FGF18: variants seen among roughly 807,000 people sequenced by gnomAD.
FGF18 encodes fibroblast growth factor 18.
A neutral mutation model predicts 23.0 loss-of-function variants in FGF18; 5 were observed. The observed-to-expected ratio is 0.22, with a 90% CI of 0.11 to 0.46. The LOEUF is 0.46. Ranked by LOEUF, FGF18 falls within the 20% of genes least tolerant of loss-of-function variation. The probability of loss-of-function intolerance (pLI) is 0.99; values close to 1 mark genes in which losing one functional copy is unlikely to be tolerated. For synonymous variants in FGF18, 117 were observed against 118.9 expected, an observed-to-expected ratio of 0.98 and a Z score of 0.10; for missense variants, 180 against 291.6, an observed-to-expected ratio of 0.62 and a Z score of 2.79.
Position 171,436,201 on chromosome 5 carries a change from C to A in FGF18, c.178C>A (p.Arg60=). ...KQLRLYQLYS[R]TSGKHIQVLG... Reference sequence around the variant, plus strand: ...GCTGCGGCTGTACCAGCTCTACAGCCGGACCAGTGGGAAACACATCCAGGT... The same window carrying A: ...GCTGCGGCTGTACCAGCTCTACAGCAGGACCAGTGGGAAACACATCCAGGT... Residue 60 remains arginine, a synonymous_variant, in exon 3 of 5, where the codon CGG becomes AGG. Coordinates refer to ENST00000274625, the MANE Select transcript of FGF18 (RefSeq NM_003862.3). The surrounding 1 kb of genome is among the most constrained non-coding windows in gnomAD (Gnocchi z 4.4). 2 of 1,607,726 alleles carry A rather than the reference C, an allele frequency of 1.2e-6. No individual in the cohort carries two copies. Among genetic ancestry groups the A allele is most frequent in the Non-Finnish European group, 1.7e-6 (2 of 1,176,712 alleles).
At chr5:171,448,925 C>T (rs1422574207) in intron 3 of FGF18, among the ~76,000 whole-genome samples, 1 of 152,004 alleles carries the variant, frequency 6.6e-6, no homozygotes, top group Non-Finnish European at 1.5e-5. Flanking sequence ...AGGTGATAGG[C>T]AGCTTCCATC....
At chr5:171,421,486 G>A (rs1406775678) in intron 2 of FGF18, among the ~76,000 whole-genome samples, 1 of 152,188 alleles carries the variant, frequency 6.6e-6, no homozygotes, top group Non-Finnish European at 1.5e-5. Flanking sequence ...TGGCTTTCCG[G>A]GATTAGAGAA....
chr5:171,450,966 C>G (rs1039659773), intron 4 of FGF18, among the ~76,000 whole-genome samples: 1 of 152,102 alleles, frequency 6.6e-6, no homozygotes, highest in Admixed American at 6.5e-5. Flanking sequence ...CGCGGCCCGC[C>G]CTCGCCGTCT....
rs191724034 is a variant in FGF18 at position 171,421,532 on chromosome 5, C to T, written c.69+1089C>T. ...CCTTAGCCTTCTGGATTGTGGAGAT[C>T]CCCAGAGCTAGCCTTGAGCACAGGA... is the stretch of plus-strand genomic sequence containing the variant. On this transcript the variant is annotated intron_variant, in intron 2 of 4. Coordinates refer to ENST00000274625, the MANE Select transcript of FGF18 (RefSeq NM_003862.3). Among the ~76,000 whole-genome samples the T allele has an allele frequency of 1.7e-3, 262 of 152,288 alleles. 1 individual carries two copies. The highest frequency in any genetic ancestry group is 5.8e-3 in the African/African-American group (241 of 41,536).
intron 2 of FGF18, among the ~76,000 whole-genome samples, chr5:171,432,820 A>G (rs916605886): frequency 6.6e-6 from 1 of 152,174 alleles, no homozygotes; most frequent in Non-Finnish European, 1.5e-5. Context: ...GGGAGGGCTG[A>G]TGTTGGCCTC....
intron 2 of FGF18, among the ~76,000 whole-genome samples, chr5:171,430,335 G>T (rs1294511712): frequency 6.9e-6 from 1 of 145,804 alleles, no homozygotes; most frequent in African/African-American, 2.6e-5. Flanking sequence ...TCCAGCCTGG[G>T]CAACAGAGTA....
chr5:171,448,574 T>C (rs1437500055), intron 3 of FGF18, among the ~76,000 whole-genome samples: 1 of 152,092 alleles, frequency 6.6e-6, no homozygotes, highest in Non-Finnish European at 1.5e-5. Flanking sequence ...CTTAGCTACT[T>C]CTCTGTGGTT....
intron 4 of FGF18, among the ~76,000 whole-genome samples, chr5:171,450,777 C>T (rs1772491090): frequency 1.3e-5 from 2 of 152,032 alleles, no homozygotes; most frequent in South Asian, 2.1e-4. Flanking sequence ...CTAGCCTGGC[C>T]GGTCCCCCTG....
chr5:171,453,518 G>C (rs569104924), intron 4 of FGF18, among the ~76,000 whole-genome samples: 1 of 152,248 alleles, frequency 6.6e-6, no homozygotes, highest in South Asian at 2.1e-4. Context: ...TTTCCCCCTT[G>C]TGGACCTCTT....
intron 2 of FGF18, among the ~76,000 whole-genome samples, chr5:171,431,386 C>G (rs939980895): frequency 2.0e-5 from 3 of 152,028 alleles, no homozygotes; most frequent in African/African-American, 7.3e-5. Context: ...AGAGCTGCAC[C>G]GGGAGAGGAT....
At chr5:171,448,041 C>T (rs1272824988) in intron 3 of FGF18, among the ~76,000 whole-genome samples, 1 of 152,110 alleles carries the variant, frequency 6.6e-6, no homozygotes, top group Non-Finnish European at 1.5e-5. Context: ...CACGCAGCAG[C>T]GTACTGGGGA....
intron 4 of FGF18, among the ~76,000 whole-genome samples, chr5:171,455,322 G>A (rs1772566385): frequency 1.3e-5 from 2 of 152,156 alleles, no homozygotes; most frequent in African/African-American, 4.8e-5. Context: ...TTCATACCAA[G>A]TATTAAAATG....
At chr5:171,450,716 G>T (rs2113363284) in intron 4 of FGF18, among the ~76,000 whole-genome samples, 1 of 152,220 alleles carries the variant, frequency 6.6e-6, no homozygotes, top group Admixed American at 6.5e-5. Flanking sequence ...CGGCGAGGGG[G>T]GTCGGGGCCG....
intron 2 of FGF18, among the ~76,000 whole-genome samples, chr5:171,431,248 G>T (rs192681718): frequency 1.3e-5 from 2 of 152,300 alleles, no homozygotes; most frequent in African/African-American, 2.4e-5. Context: ...CACGTGGAAG[G>T]TTCTTACCAA....
chr5:171,441,992 T>G (rs1000645929), intron 3 of FGF18, among the ~76,000 whole-genome samples: 11 of 152,098 alleles, frequency 7.2e-5, no homozygotes, highest in African/African-American at 2.7e-4. Context: ...CAGACCCAGC[T>G]TCCCCCAGCA....
intron 3 of FGF18, among the ~76,000 whole-genome samples, chr5:171,448,244 A>T (rs903129475): frequency 6.6e-6 from 1 of 152,174 alleles, no homozygotes; most frequent in Non-Finnish European, 1.5e-5. Context: ...CCTGGGGGGA[A>T]TCCCAGTGGG....
chr5:171,425,982 G>A (rs1409543485), intron 2 of FGF18, among the ~76,000 whole-genome samples: 1 of 152,198 alleles, frequency 6.6e-6, no homozygotes, highest in Non-Finnish European at 1.5e-5. Flanking sequence ...ATTCAGCTCT[G>A]TGTCTGTCCG....
intron 4 of FGF18, among the ~76,000 whole-genome samples, chr5:171,455,309 T>A (rs1157608925): frequency 6.6e-6 from 1 of 152,192 alleles, no homozygotes; most frequent in African/African-American, 2.4e-5. Context: ...GGCCCCACCT[T>A]TCTTCATACC....
intron 2 of FGF18, among the ~76,000 whole-genome samples, chr5:171,423,512 TG>T (rs928716915): frequency 8.6e-5 from 13 of 150,442 alleles, no homozygotes; most frequent in Non-Finnish European, 1.5e-4. Flanking sequence ...CTCGGCGGGG[TG>T]GGGGGGCATC....
Sources: gnomAD v4.1 joint callset for allele counts (sites outside exome capture counted in the v4.1 genomes callset) on GRCh38, gnomAD v4.1.1 for gene constraint, Gnocchi (gnomAD v3.1) non-coding constraint, MANE v1.5 for transcripts, NCBI Gene and HGNC (gene_info 2026-07-23, HGNC 2026-07-21) for gene names.